Variants in MSRA observed in about 807,000 individuals in gnomAD.
MSRA encodes mitochondrial peptide methionine sulfoxide reductase.
In MSRA, 54 loss-of-function variants were observed where a neutral mutation model predicts 31.3. The observed-to-expected ratio is 1.73, with a 90% confidence interval of 1.39 to 2.17. The LOEUF (loss-of-function observed/expected upper bound fraction) is 2.17, where lower values mean the gene tolerates loss of function less well. Among genes scored for constraint, MSRA ranks in the 30% most tolerant of loss-of-function variants. The pLI, the probability that MSRA is intolerant of heterozygous loss-of-function variation, is 0.00. For synonymous variants in MSRA, 169 were observed against 116.5 expected (o/e 1.45, Z -2.90); for missense variants, 507 against 300.9 (o/e 1.69, Z -5.07).
At chr8:10,055,153 C>G (rs1341779373) in intron 1 of MSRA, among the ~76,000 whole-genome samples, 1 of 70,414 alleles carries the variant, frequency 1.4e-5, no homozygotes, top group Non-Finnish European at 2.9e-5. Flanking sequence ...AACTGCGTCT[C>G]AGGCCAGTGT....
chr8:10,134,262 A>G (rs1361088338), intron 1 of MSRA, among the ~76,000 whole-genome samples: 3 of 152,186 alleles, frequency 2.0e-5, no homozygotes, highest in Non-Finnish European at 2.9e-5. Context: ...TTCCATGAGC[A>G]CGTTGGTTGC....
chr8:10,268,201 G>A (rs1393611274), intron 3 of MSRA, among the ~76,000 whole-genome samples: 4 of 152,212 alleles, frequency 2.6e-5, no homozygotes, highest in Middle Eastern at 3.2e-3. Flanking sequence ...GGACACGTGT[G>A]TGAATAATTG....
intron 1 of MSRA, among the ~76,000 whole-genome samples, chr8:10,119,721 G>A (rs1800967370): frequency 6.6e-6 from 1 of 152,194 alleles, no homozygotes; most frequent in Non-Finnish European, 1.5e-5. Flanking sequence ...GGAGAGATGA[G>A]GTGGTGGGGG....
chr8:10,069,693 G>A lies in MSRA; in HGVS notation c.142+15035G>A, dbSNP rs535168161. On this transcript the variant is annotated intron_variant, in intron 1 of 5. Coordinates refer to ENST00000317173, the MANE Select transcript of MSRA (RefSeq NM_012331.5). ...CTTTATTCTCATCCATGAGGGATGA[G>A]CCCTCATGACCTAATCACCTCTTAA... Among the ~76,000 whole-genome samples, 12 of 152,242 alleles carry A rather than the reference G, an allele frequency of 7.9e-5. No individual in the cohort carries two copies. The East Asian group carries it at 9.7e-4, about 12-fold the overall frequency.
At chr8:10,220,121 G>T (rs1169205689) in intron 2 of MSRA, among the ~76,000 whole-genome samples, 1 of 152,160 alleles carries the variant, frequency 6.6e-6, no homozygotes, top group Non-Finnish European at 1.5e-5. Flanking sequence ...AGTCTTAAAA[G>T]CCCACGATCA....
intron 1 of MSRA, among the ~76,000 whole-genome samples, chr8:10,153,666 C>T (rs1167699231): frequency 6.6e-6 from 1 of 152,086 alleles, no homozygotes; most frequent in Non-Finnish European, 1.5e-5. Flanking sequence ...AGGGTGTCGC[C>T]CACCGTCTGA....
intron 1 of MSRA, among the ~76,000 whole-genome samples, chr8:10,107,921 C>T (rs1800004320): frequency 6.6e-6 from 1 of 152,106 alleles, no homozygotes; most frequent in South Asian, 2.1e-4. Context: ...CTTTAGTTTG[C>T]CTTTACAGTG....
chr8:10,390,681 C>G (rs150511691), intron 5 of MSRA, among the ~76,000 whole-genome samples: 2 of 152,110 alleles, frequency 1.3e-5, no homozygotes, highest in Non-Finnish European at 2.9e-5. Context: ...TCACAGGTGC[C>G]GCATTGTTTC....
At chr8:10,101,891 T>C (rs968987892) in intron 1 of MSRA, among the ~76,000 whole-genome samples, 1 of 152,232 alleles carries the variant, frequency 6.6e-6, no homozygotes, top group Non-Finnish European at 1.5e-5. Flanking sequence ...CCAGTTCTTT[T>C]GAGTATATCC....
At chr8:10,128,472 T>G (rs971860455) in intron 1 of MSRA, among the ~76,000 whole-genome samples, 3 of 152,190 alleles carry the variant, frequency 2.0e-5, no homozygotes, top group Non-Finnish European at 4.4e-5. Context: ...ATTTGCCATA[T>G]CTGACTTTGT....
intron 5 of MSRA, among the ~76,000 whole-genome samples, chr8:10,352,318 G>C (rs1230274795): frequency 6.6e-6 from 1 of 152,200 alleles, no homozygotes; most frequent in South Asian, 2.1e-4. Flanking sequence ...ATGTATGTGT[G>C]TATGTGTACC....
At chr8:10,096,380 G>C (rs1799156823) in intron 1 of MSRA, 1 of 850,818 alleles carries the variant, frequency 1.2e-6, no homozygotes, top group Non-Finnish European at 1.4e-6. Context: ...GAGGTGGGTG[G>C]GGAGGTGTCT....
intron 3 of MSRA, among the ~76,000 whole-genome samples, chr8:10,281,457 G>A (rs1265890560): frequency 1.3e-5 from 2 of 152,148 alleles, no homozygotes; most frequent in Admixed American, 1.3e-4. Context: ...AAACCCACTG[G>A]GATGGCACAG....
At chr8:10,260,474 A>C (rs975046566) in intron 3 of MSRA, among the ~76,000 whole-genome samples, 44 of 152,202 alleles carry the variant, frequency 2.9e-4, no homozygotes, top group African/African-American at 1.1e-3. Flanking sequence ...TACACAAGCG[A>C]GGCAGCACGC....
At chr8:10,108,641 T>A (rs1430198443) in intron 1 of MSRA, among the ~76,000 whole-genome samples, 2 of 152,216 alleles carry the variant, frequency 1.3e-5, no homozygotes, top group Non-Finnish European at 2.9e-5. Context: ...ACGTAGAAAC[T>A]TTGGCCTGTG....
intron 1 of MSRA, among the ~76,000 whole-genome samples, chr8:10,163,476 C>G (rs1042162280): frequency 6.6e-6 from 1 of 152,162 alleles, no homozygotes; most frequent in Non-Finnish European, 1.5e-5. Flanking sequence ...GCCCGGAGGC[C>G]GTTCCTCACT....
At chr8:10,167,770 C>T (rs1428469148) in intron 1 of MSRA, among the ~76,000 whole-genome samples, 1 of 152,114 alleles carries the variant, frequency 6.6e-6, no homozygotes, top group Non-Finnish European at 1.5e-5. Flanking sequence ...TGCATGAATG[C>T]TGATCCACTT....
At chr8:10,278,471 C>T (rs1799442603) in intron 3 of MSRA, among the ~76,000 whole-genome samples, 1 of 152,234 alleles carries the variant, frequency 6.6e-6, no homozygotes, top group South Asian at 2.1e-4. Context: ...GGGGGTCATA[C>T]AGCTTTCCTT....
intron 1 of MSRA, among the ~76,000 whole-genome samples, chr8:10,158,942 C>G (rs1036873478): frequency 6.6e-6 from 1 of 152,150 alleles, no homozygotes; most frequent in Non-Finnish European, 1.5e-5. Context: ...AATGTTATCT[C>G]ATTGTAATTT....
Sources: allele counts gnomAD v4.1 joint callset (sites outside exome capture counted in the v4.1 genomes callset), GRCh38; gene constraint gnomAD v4.1.1; transcripts MANE v1.5; gene names NCBI Gene and HGNC (gene_info 2026-07-23, HGNC 2026-07-21).